The following CRTC1 variants were observed in gnomAD, a reference collection of about 807,000 sequenced individuals.
CRTC1 encodes the protein CREB-regulated transcription coactivator 1.
CRTC1 carries 18 observed loss-of-function variants against 66.1 expected under a neutral mutation model. The observed-to-expected ratio is 0.27, with a 90% CI of 0.19 to 0.40. The LOEUF is 0.40. CRTC1 is among the 10% of genes least tolerant of loss of function. The pLI is 1.00. For missense variants in CRTC1, 669 were observed against 887.9 expected (o/e 0.75, Z 3.13); for synonymous variants, 416 against 398.8 (o/e 1.04, Z -0.51).
chr19:18,759,986 C>G, intron 7 of CRTC1, 22 bp from the exon 8 acceptor site: 1 of 1,556,048 alleles, frequency 6.4e-7, no homozygotes. Flanking sequence ...TCACCTCCTG[C>G]CTGCCTCTGG....
chr19:18,746,483 C>G (rs80088700), intron 3 of CRTC1, among the ~76,000 whole-genome samples: 7 of 150,920 alleles, frequency 4.6e-5, no homozygotes, highest in African/African-American at 1.2e-4. Context: ...AGAGTCCCCC[C>G]CTCCCCCCCA....
At chr19:18,770,984 G>T (rs1210852076) in intron 10 of CRTC1, among the ~76,000 whole-genome samples, 1 of 151,942 alleles carries the variant, frequency 6.6e-6, no homozygotes, top group Non-Finnish European at 1.5e-5. Context: ...GCATGTGTGG[G>T]TGTGCATGCA....
intron 1 of CRTC1, among the ~76,000 whole-genome samples, chr19:18,732,446 TC>T (rs2053911246): frequency 6.6e-6 from 1 of 152,254 alleles, no homozygotes; most frequent in Non-Finnish European, 1.5e-5. Context: ...ATCTTGGACT[TC>T]CAGCCTCCAG....
chr19:18,760,237 G>A lies in CRTC1; in HGVS notation c.886+9G>A, dbSNP rs779678831. 3 of 1,578,016 alleles carry A rather than the reference G, an allele frequency of 1.9e-6. No individual in the cohort carries two copies. The Admixed American group carries it at 5.6e-5, about 29-fold the overall frequency. On this transcript the variant is annotated intron_variant, in intron 8 of 13. Transcript: ENST00000321949. This position sits in a 1 kb window ranked among gnomAD's most constrained non-coding sequence, Gnocchi z 6.2. ...CGGTGGCGCCGGCCAGGGTAAGGCA[G>A]GGACACTCCGCCCTCGGACAGAGCA...
chr19:18,722,451 C>T (rs1314923362), intron 1 of CRTC1, among the ~76,000 whole-genome samples: 1 of 152,132 alleles, frequency 6.6e-6, no homozygotes, highest in African/African-American at 2.4e-5. Flanking sequence ...ATGAGATCGT[C>T]TTGGATTTAG....
In CRTC1 at chr19:18,748,911, A is replaced by G. The variant is rs1489132162; in HGVS notation, c.444-870A>G. Among the ~76,000 whole-genome samples the G allele has an allele frequency of 3.9e-5, 6 of 152,150 alleles. No homozygotes were observed. In the South Asian group the frequency reaches 6.2e-4, roughly 16 times the overall value. On this transcript the variant is annotated intron_variant, in intron 4 of 13. Coordinates refer to ENST00000321949, the MANE Select transcript of CRTC1 (RefSeq NM_015321.3). ...ACTTATATAAAATGAATGGAGCTTT[A>G]TGGAGTGGGCAGTGTGTTCATCTCC...
rs565964776 is a variant in CRTC1 at position 18,768,342 on chromosome 19, G to C, written c.1012-143G>C. 12 of 676,668 alleles carry C rather than the reference G, an allele frequency of 1.8e-5. No individual in the cohort carries two copies. The highest frequency in any genetic ancestry group is 2.7e-5 in the Non-Finnish European group (11 of 408,798). The allele number at this position is 676,668 out of a possible 1,614,324, so 41.9% of individuals were successfully genotyped here. ...CCTCTCTAGCCTGGGCTCCCTCATC[G>C]TGAGGAGCACCCAGCCCAGGGGCTG... On this transcript the variant is annotated intron_variant, in intron 9 of 13. Coordinates refer to ENST00000321949, the MANE Select transcript of CRTC1 (RefSeq NM_015321.3). This position sits in a 1 kb window ranked among gnomAD's most constrained non-coding sequence, Gnocchi z 5.6.
intron 1 of CRTC1, among the ~76,000 whole-genome samples, chr19:18,696,490 T>G (rs1600764883): frequency 6.6e-6 from 1 of 152,178 alleles, no homozygotes; most frequent in African/African-American, 2.4e-5. Context: ...AAGGGCCTGT[T>G]GCCTGCCCCC....
intron 3 of CRTC1, 60 bp from the exon 4 acceptor site, chr19:18,746,991 TGA>T: frequency 6.5e-7 from 1 of 1,527,702 alleles, no homozygotes; most frequent in Non-Finnish European, 9.1e-7. Context: ...TGCCCTGGGC[TGA>T]GAGTGTGTTG....
intron 1 of CRTC1, among the ~76,000 whole-genome samples, chr19:18,688,062 C>G (rs866004014): frequency 4.6e-5 from 7 of 152,172 alleles, no homozygotes; most frequent in Middle Eastern, 3.4e-3. Flanking sequence ...TCTCAAGAGC[C>G]TGGGGTGCTG....
intron 1 of CRTC1, among the ~76,000 whole-genome samples, chr19:18,722,448 C>G (rs369237539): frequency 6.6e-6 from 1 of 152,124 alleles, no homozygotes; most frequent in South Asian, 2.1e-4. Context: ...GAGATGAGAT[C>G]GTCTTGGATT....
Position 18,747,060 on chromosome 19 carries a change from G to C in CRTC1, c.389G>C (p.Ser130Thr). ...CCCCTTAACTCACCTCACGCCGACA[G>C]CTGCCCCTATGGCACCATGTACCTC... Reference protein sequence around the residue: ...SVDKHGRQADSCPYGTMYLSP... With the variant: ...SVDKHGRQADTCPYGTMYLSP... Residue 130 changes from serine (S) to threonine (T), a missense_variant, in exon 4 of 14, where the codon AGC becomes ACC. Ser to Thr is a moderately conservative substitution (Grantham distance 58, BLOSUM62 1). Around this residue, in one of 8 missense-constraint regions of CRTC1, gnomAD observed 214 missense variants for 323.4 expected, o/e 0.66. Coordinates refer to ENST00000321949, the MANE Select transcript of CRTC1 (RefSeq NM_015321.3). 6.2e-7 allele frequency: 1 copy of C among 1,612,932 alleles called. No individual in the cohort carries two copies. Among genetic ancestry groups the C allele is most frequent in the Non-Finnish European group, 8.5e-7 (1 of 1,179,728 alleles).
intron 1 of CRTC1, among the ~76,000 whole-genome samples, chr19:18,686,474 C>A (rs558403132): frequency 6.6e-6 from 1 of 152,224 alleles, no homozygotes; most frequent in East Asian, 1.9e-4. Context: ...ATGGTGAAAC[C>A]CGTCTCCACT....
chr19:18,695,067 C>T (rs1220640024), intron 1 of CRTC1, among the ~76,000 whole-genome samples: 1 of 152,118 alleles, frequency 6.6e-6, no homozygotes, highest in Non-Finnish European at 1.5e-5. Context: ...GATGAGGTTT[C>T]ACCATGTTGG....
chr19:18,749,655 G>A (rs2054319825), intron 4 of CRTC1, 126 bp from the exon 5 acceptor site: 1 of 747,226 alleles, frequency 1.3e-6, no homozygotes, highest in African/African-American at 1.7e-5. Flanking sequence ...TTGCTCAGGT[G>A]CAGCAGCTCA....
At chr19:18,745,282 C>G (rs1245656374) in intron 2 of CRTC1, among the ~76,000 whole-genome samples, 1 of 152,144 alleles carries the variant, frequency 6.6e-6, no homozygotes, top group Non-Finnish European at 1.5e-5. Context: ...GGGGCCGCGT[C>G]TCAATCAAGA....
chr19:18,749,905 T>A, intron 5 of CRTC1, 30 bp downstream of exon 5: 1 of 1,582,086 alleles, frequency 6.3e-7, no homozygotes, highest in South Asian at 1.1e-5. Context: ...GTGTCTCTGC[T>A]GGGGTGAGGC....
chr19:18,748,573 A>ATGT (rs2054296549), intron 4 of CRTC1, among the ~76,000 whole-genome samples: 1 of 141,186 alleles, frequency 7.1e-6, no homozygotes, highest in African/African-American at 2.6e-5. Context: ...AGTGGCTCAC[A>ATGT]CCTGTAATCC....
Position 18,753,576 on chromosome 19 carries a change from C to T in CRTC1, c.615C>T (p.Asp205=). ...AAAACCTTTCCAAGCAAGCATGGGA[C>T]ACCAAGAAGGTAAGAGCCTATGAGC... ...ADKNLSKQAW[D]TKKTGSRPKS... The change falls in exon 6 of 14, where the codon GAC becomes GAT. Residue 205 remains aspartate, a synonymous_variant. Transcript: ENST00000321949. 6.2e-7 allele frequency: 1 copy of T among 1,610,564 alleles called. No homozygotes were observed. The highest frequency in any genetic ancestry group is 8.5e-7 in the Non-Finnish European group (1 of 1,177,920).
Sources: allele counts gnomAD v4.1 joint callset (sites outside exome capture counted in the v4.1 genomes callset), GRCh38; gene constraint gnomAD v4.1.1; regional missense constraint gnomAD v4.1.1; non-coding constraint Gnocchi (gnomAD v3.1); transcripts MANE v1.5; gene names NCBI Gene and HGNC (gene_info 2026-07-23, HGNC 2026-07-21).